EBF1: variants seen among roughly 807,000 people sequenced by gnomAD.
EBF1 encodes the protein transcription factor COE1.
In EBF1, 10 loss-of-function variants were observed where a neutral mutation model predicts 68.4. The observed-to-expected ratio is 0.15, with a 90% CI of 0.09 to 0.25. The LOEUF (loss-of-function observed/expected upper bound fraction) is 0.25, where lower values mean the gene tolerates loss of function less well. EBF1 is among the 10% of genes least tolerant of loss of function. EBF1 has a pLI of 1.00. For missense variants in EBF1, 509 were observed against 794.4 expected, an observed-to-expected ratio of 0.64 and a Z score of 4.32; for synonymous variants, 298 against 299.8, an observed-to-expected ratio of 0.99 and a Z score of 0.06.
intron 10 of EBF1, among the ~76,000 whole-genome samples, chr5:158,776,148 G>A (rs997320053): frequency 6.6e-6 from 1 of 152,092 alleles, no homozygotes; most frequent in Non-Finnish European, 1.5e-5. Flanking sequence ...TCCTTAATTT[G>A]TAAAAGTGAT....
At chr5:158,699,442 C>A (rs760170002) in intron 15 of EBF1, among the ~76,000 whole-genome samples, 1 of 152,088 alleles carries the variant, frequency 6.6e-6, no homozygotes, top group Non-Finnish European at 1.5e-5. Context: ...AGTTTGAATA[C>A]CACTGGGAAA....
chr5:158,970,575 A>C (rs928109273), intron 6 of EBF1, among the ~76,000 whole-genome samples: 5 of 152,222 alleles, frequency 3.3e-5, no homozygotes, highest in African/African-American at 1.2e-4. Context: ...GGCTTATAGA[A>C]AGCCTTTGTA....
At chr5:158,958,736 G>A (rs562327191) in intron 6 of EBF1, among the ~76,000 whole-genome samples, 2 of 152,110 alleles carry the variant, frequency 1.3e-5, no homozygotes, top group African/African-American at 4.8e-5. Flanking sequence ...GGAATTCCCC[G>A]GAAGAGGCTT....
intron 6 of EBF1, among the ~76,000 whole-genome samples, chr5:158,965,811 C>T (rs1028949916): frequency 3.3e-5 from 5 of 152,100 alleles, no homozygotes; most frequent in Non-Finnish European, 5.9e-5. Flanking sequence ...TTCCTATTCC[C>T]GACCCTGTAA....
intron 4 of EBF1, among the ~76,000 whole-genome samples, chr5:159,089,838 A>C (rs954348454): frequency 6.6e-6 from 1 of 151,946 alleles, no homozygotes. Flanking sequence ...GAAGAAAAGA[A>C]AAGAAAAAGG....
chr5:158,789,101 A>C (rs1161814883), intron 9 of EBF1, among the ~76,000 whole-genome samples: 1 of 152,132 alleles, frequency 6.6e-6, no homozygotes, highest in African/African-American at 2.4e-5. Flanking sequence ...ACTAATCCAG[A>C]CTGCTTTTAA....
chr5:158,869,553 T>TC (rs1336487279), intron 6 of EBF1, among the ~76,000 whole-genome samples: 1 of 150,846 alleles, frequency 6.6e-6, no homozygotes, highest in Non-Finnish European at 1.5e-5. Context: ...CTCTTTTTTT[T>TC]CCCTAATTGG....
At chr5:158,871,313 T>G (rs1336514532) in intron 6 of EBF1, among the ~76,000 whole-genome samples, 1 of 152,186 alleles carries the variant, frequency 6.6e-6, no homozygotes, top group African/African-American at 2.4e-5. Context: ...AAGTTCTGCA[T>G]GAGAACAAAT....
chr5:158,761,742 A>T (rs1771504790), intron 10 of EBF1, among the ~76,000 whole-genome samples: 1 of 152,346 alleles, frequency 6.6e-6, no homozygotes, highest in South Asian at 2.1e-4. Flanking sequence ...ATTAGACATG[A>T]CATCCCAGGA....
At position 159,082,905 on chromosome 5, in the gene EBF1, C is replaced by T. The variant is rs553398408; in HGVS notation, c.485+1761G>A. ...TAGAAAGAACATCAGCAGTAAAGCA[C>T]ACCAACCAGCATAATAAAGTACTTT... On this transcript the variant is annotated intron_variant, in intron 5 of 15. Coordinates refer to ENST00000313708, the MANE Select transcript of EBF1 (RefSeq NM_024007.5). 3.9e-5 allele frequency among the ~76,000 whole-genome samples: 6 copies of T among 152,268 alleles called. No individual in the cohort carries two copies. In the South Asian group the frequency reaches 1.2e-3, roughly 32 times the overall value.
At chr5:158,831,268 G>A (rs1787498720) in intron 7 of EBF1, among the ~76,000 whole-genome samples, 1 of 152,114 alleles carries the variant, frequency 6.6e-6, no homozygotes, top group Non-Finnish European at 1.5e-5. Context: ...CAAGAAAATG[G>A]CATATTGGTC....
chr5:158,832,598 G>A (rs1163390385), intron 7 of EBF1, among the ~76,000 whole-genome samples: 1 of 152,202 alleles, frequency 6.6e-6, no homozygotes, highest in East Asian at 1.9e-4. Context: ...GTACATCCAA[G>A]ACAGGGGCTG....
chr5:159,013,091 G>A (rs999961516), intron 6 of EBF1, among the ~76,000 whole-genome samples: 8 of 152,196 alleles, frequency 5.3e-5, no homozygotes, highest in Non-Finnish European at 1.2e-4. Context: ...TGTTATGGCA[G>A]CCCTGGCAAA....
chr5:158,918,496 T>C (rs1807685221), intron 6 of EBF1, among the ~76,000 whole-genome samples: 1 of 137,902 alleles, frequency 7.3e-6, no homozygotes, highest in South Asian at 2.2e-4. Flanking sequence ...GGATTACCAT[T>C]AGTGTTACGA....
intron 6 of EBF1, among the ~76,000 whole-genome samples, chr5:158,958,575 T>C (rs1817580534): frequency 6.6e-6 from 1 of 152,184 alleles, no homozygotes; most frequent in African/African-American, 2.4e-5. Context: ...AAAAGCAGCA[T>C]GTTTTTCATA....
intron 8 of EBF1, among the ~76,000 whole-genome samples, chr5:158,798,048 C>T (rs1364596122): frequency 6.6e-6 from 1 of 151,928 alleles, no homozygotes; most frequent in Non-Finnish European, 1.5e-5. Flanking sequence ...CCAGTGGTAC[C>T]ATATGATGTA....
intron 6 of EBF1, chr5:158,986,745 C>G (rs1376093464): frequency 6.6e-6 from 1 of 152,168 alleles, no homozygotes; most frequent in Non-Finnish European, 1.5e-5. Context: ...TAATCTCTAT[C>G]ATTTCATTGG....
intron 6 of EBF1, among the ~76,000 whole-genome samples, chr5:158,963,593 G>A (rs1435184408): frequency 6.6e-6 from 1 of 152,076 alleles, no homozygotes; most frequent in Non-Finnish European, 1.5e-5. Context: ...ACGACCCCAG[G>A]GATCCTGTGC....
intron 5 of EBF1, among the ~76,000 whole-genome samples, chr5:159,079,067 AT>A (rs755546517): frequency 6.6e-6 from 1 of 152,294 alleles, no homozygotes; most frequent in African/African-American, 2.4e-5. Context: ...GAGATCTATG[AT>A]TTATCTGAAT....
Sources: gnomAD v4.1 joint callset for allele counts (sites outside exome capture counted in the v4.1 genomes callset) on GRCh38, gnomAD v4.1.1 for gene constraint, MANE v1.5 for transcripts, NCBI Gene and HGNC (gene_info 2026-07-23, HGNC 2026-07-21) for gene names.